Variants in DNAJB4 observed in about 807,000 individuals in gnomAD.
The protein encoded by DNAJB4 is DnaJ heat shock protein family (Hsp40) member B4, also known as dnaJ homolog subfamily B member 4.
Under a neutral mutation model 26.6 loss-of-function variants are expected in DNAJB4, and 10 were observed. That is an observed-to-expected ratio of 0.38 (90% CI 0.23 to 0.64). The LOEUF is 0.64. Among genes scored for constraint, DNAJB4 ranks in the 30% least tolerant of loss-of-function variants. The probability of loss-of-function intolerance (pLI) is 0.58; values close to 1 mark genes in which losing one functional copy is unlikely to be tolerated. For synonymous variants in DNAJB4, 136 were observed against 134.8 expected (o/e 1.01, Z -0.06); for missense variants, 328 against 408.2 (o/e 0.80, Z 1.69).
At chr1:77,993,243 C>T (rs951498949) in intron 1 of DNAJB4, among the ~76,000 whole-genome samples, 7 of 152,274 alleles carry the variant, frequency 4.6e-5, no homozygotes, top group South Asian at 4.1e-4. Context: ...TCAACTCTAC[C>T]GCTGTCTGGC....
chr1:78,013,671 A>C, intron 2 of DNAJB4, 52 bp downstream of exon 2: 4 of 1,352,374 alleles, frequency 3.0e-6, no homozygotes, highest in Non-Finnish European at 4.0e-6. Context: ...GTAGTTGATC[A>C]TAGGGAGTGT....
intron 1 of DNAJB4, among the ~76,000 whole-genome samples, chr1:77,983,743 A>G (rs1659725602): frequency 1.3e-5 from 2 of 152,148 alleles, no homozygotes; most frequent in African/African-American, 4.8e-5. Context: ...AAGGCAGAAG[A>G]ATTTTTCTTA....
At chr1:78,011,401 G>C (rs374243939) in intron 1 of DNAJB4, among the ~76,000 whole-genome samples, 15 of 151,838 alleles carry the variant, frequency 9.9e-5, no homozygotes, top group African/African-American at 3.6e-4. Flanking sequence ...AATGACAATC[G>C]TAGTGTCTAA....
intron 1 of DNAJB4, among the ~76,000 whole-genome samples, chr1:77,998,008 C>T (rs1367576979): frequency 6.6e-6 from 1 of 152,162 alleles, no homozygotes; most frequent in Non-Finnish European, 1.5e-5. Flanking sequence ...CTCCTGGCCT[C>T]AAGTGATCTG....
At chr1:77,999,434 T>TG (rs1660140136) in intron 1 of DNAJB4, among the ~76,000 whole-genome samples, 1 of 151,766 alleles carries the variant, frequency 6.6e-6, no homozygotes, top group Non-Finnish European at 1.5e-5. Flanking sequence ...GAACAGGTTT[T>TG]TTTTTTTTTT....
At chr1:77,995,374 A>G (rs1031544087) in intron 1 of DNAJB4, among the ~76,000 whole-genome samples, 7 of 152,232 alleles carry the variant, frequency 4.6e-5, no homozygotes, top group Non-Finnish European at 1.0e-4. Flanking sequence ...GCAAAATGTT[A>G]TAATGAAATA....
chr1:77,995,756 C>CT (rs1165864570), intron 1 of DNAJB4, among the ~76,000 whole-genome samples: 2 of 152,160 alleles, frequency 1.3e-5, no homozygotes, highest in East Asian at 3.9e-4. Context: ...CTGGGCCTAA[C>CT]TCAGTGTTTA....
chr1:77,984,982 C>G (rs1426503679), intron 1 of DNAJB4, among the ~76,000 whole-genome samples: 2 of 152,136 alleles, frequency 1.3e-5, no homozygotes, highest in Non-Finnish European at 1.5e-5. Flanking sequence ...GATTTCTAAT[C>G]CAGTGCTCTT....
intron 1 of DNAJB4, among the ~76,000 whole-genome samples, chr1:77,988,039 C>G (rs542410750): frequency 2.9e-5 from 4 of 137,604 alleles, no homozygotes; most frequent in South Asian, 2.5e-4. Context: ...ATTTCCCCCC[C>G]CCCCCAGACA....
intron 1 of DNAJB4, among the ~76,000 whole-genome samples, chr1:78,012,522 T>C (rs1660514780): frequency 6.6e-6 from 1 of 151,964 alleles, no homozygotes; most frequent in Non-Finnish European, 1.5e-5. Context: ...TTAGAGATGC[T>C]GATTTGGCCG....
intron 1 of DNAJB4, among the ~76,000 whole-genome samples, chr1:77,981,649 T>G (rs542444831): frequency 1.3e-5 from 2 of 152,184 alleles, no homozygotes; most frequent in African/African-American, 2.4e-5. Flanking sequence ...TTTGGAAAAA[T>G]TAATGCTTGA....
intron 1 of DNAJB4, among the ~76,000 whole-genome samples, chr1:77,982,563 C>CTGTAATCCTAGCACTTTGG (rs11276171): frequency 1.6e-3 from 241 of 151,860 alleles, no homozygotes; most frequent in African/African-American, 5.5e-3. Context: ...TGCCTCATGC[C>CTGTAATCCTAGCACTTTGG]GAGGCGGGTG....
chr1:78,015,893 T>C (rs1272901562), intron 2 of DNAJB4, 121 bp from the exon 3 acceptor site: 5 of 868,482 alleles, frequency 5.8e-6, no homozygotes, highest in Admixed American at 2.9e-5. Context: ...ATAACTATTG[T>C]TATTCTTTTG....
upstream of DNAJB4, among the ~76,000 whole-genome samples, chr1:77,979,915 C>T (rs1281992739): frequency 6.6e-6 from 1 of 151,932 alleles, no homozygotes; most frequent in African/African-American, 2.4e-5. Context: ...GAGAGTCTCG[C>T]TCTGTTACCC....
intron 1 of DNAJB4, among the ~76,000 whole-genome samples, chr1:78,011,968 ATTGT>A (rs933375673): frequency 2.0e-5 from 3 of 148,162 alleles, no homozygotes; most frequent in African/African-American, 7.4e-5. Flanking sequence ...TGTTATATAT[ATTGT>A]TTGATTGTAA....
chr1:78,001,963 T>C (rs1189565973), upstream of DNAJB4, among the ~76,000 whole-genome samples: 2 of 152,240 alleles, frequency 1.3e-5, no homozygotes, highest in Admixed American at 6.5e-5. Context: ...CATTCTTTAG[T>C]TTTAAGGGAA....
chr1:77,998,541 T>G (rs1387837318), intron 1 of DNAJB4, among the ~76,000 whole-genome samples: 1 of 152,132 alleles, frequency 6.6e-6, no homozygotes, highest in Non-Finnish European at 1.5e-5. Context: ...AAGAAGTGAA[T>G]CTCTTTAAAA....
At chr1:77,981,731 T>G (rs1659652977) in intron 1 of DNAJB4, among the ~76,000 whole-genome samples, 1 of 152,178 alleles carries the variant, frequency 6.6e-6, no homozygotes. Context: ...GGAGGAATAT[T>G]TGGGGGGTTG....
chr1:78,014,769 T>C (rs1660588997), intron 2 of DNAJB4, among the ~76,000 whole-genome samples: 1 of 151,962 alleles, frequency 6.6e-6, no homozygotes, highest in Non-Finnish European at 1.5e-5. Context: ...CCCAGCTGAT[T>C]TTCATATTTT....
Sources: allele counts gnomAD v4.1 joint callset (sites outside exome capture counted in the v4.1 genomes callset), GRCh38; gene constraint gnomAD v4.1.1; transcripts MANE v1.5; gene names NCBI Gene and HGNC (gene_info 2026-07-23, HGNC 2026-07-21).